SPRTN: variants seen among roughly 807,000 people sequenced by gnomAD.
SPRTN encodes the protein SprT-like N-terminal domain, also known as DNA-dependent metalloprotease SPRTN.
In SPRTN, 11 loss-of-function variants were observed where a neutral mutation model predicts 31.9. The observed-to-expected ratio is 0.34, with a 90% confidence interval of 0.22 to 0.57. The LOEUF (loss-of-function observed/expected upper bound fraction) is 0.57. Among genes scored for constraint, SPRTN ranks in the 20% least tolerant of loss-of-function variants. The pLI, the probability that SPRTN is intolerant of heterozygous loss-of-function variation, is 0.86. For missense variants in SPRTN, 482 were observed against 590.1 expected (o/e 0.82, Z 1.90); for synonymous variants, 185 against 212.1 (o/e 0.87, Z 1.11).
At chr1:231,346,183 CTTTTT>C (rs71583771) in intron 2 of SPRTN, among the ~76,000 whole-genome samples, 66 of 89,052 alleles carry the variant, frequency 7.4e-4, no homozygotes, top group East Asian at 3.1e-3. Flanking sequence ...CTTTTCTTTT[CTTTTT>C]TTTTTTTTTT....
chr1:231,348,613 G>T (rs376985494), intron 3 of SPRTN, among the ~76,000 whole-genome samples: 28 of 152,072 alleles, frequency 1.8e-4, no homozygotes, highest in African/African-American at 6.3e-4. Flanking sequence ...CCTGTGTCCT[G>T]TCTCTTTAAC....
chr1:231,346,036 A>G (rs140189345), intron 2 of SPRTN, among the ~76,000 whole-genome samples: 268 of 151,918 alleles, frequency 1.8e-3, no homozygotes, highest in African/African-American at 6.1e-3. Context: ...GCTGGTTTTG[A>G]ACTCCTGGCC....
chr1:231,339,560 T>C, intron 1 of SPRTN: 2 of 745,190 alleles, frequency 2.7e-6, no homozygotes, highest in Non-Finnish European at 4.7e-6. Context: ...CTTTCCTTCC[T>C]TGCCCGGCGG....
intron 2 of SPRTN, among the ~76,000 whole-genome samples, chr1:231,340,386 A>G (rs1026849648): frequency 1.2e-4 from 19 of 152,088 alleles, no homozygotes; most frequent in Admixed American, 9.8e-4. Flanking sequence ...AAAGCCTTCT[A>G]GGTATATTAT....
Position 231,339,774 on chromosome 1 carries a change from C to T in SPRTN, c.227C>T (p.Ala76Val). Reference sequence around the variant, plus strand: ...TTATGGTGATTGTTTTCTAGGTGTGCTGGGATATGCAGCTATGAAGGGAAG... The same window carrying T: ...TTATGGTGATTGTTTTCTAGGTGTGTTGGGATATGCAGCTATGAAGGGAAG... ...VKWSVRMTLC[A>V]GICSYEGKGG... The change falls in exon 2 of 5, where the codon GCT becomes GTT. Residue 76 changes from alanine (A) to valine (V), a missense_variant. This residue lies in a region of SPRTN where 157 missense variants were observed against 239.9 expected (regional missense o/e 0.65). Coordinates refer to ENST00000295050, the MANE Select transcript of SPRTN (RefSeq NM_032018.7). The T allele has an allele frequency of 6.2e-7, 1 of 1,614,082 alleles. No individual in the cohort carries two copies. The highest frequency in any genetic ancestry group is 8.5e-7 in the Non-Finnish European group (1 of 1,180,000).
intron 2 of SPRTN, among the ~76,000 whole-genome samples, chr1:231,343,286 C>G (rs1045012509): frequency 1.3e-5 from 2 of 151,584 alleles, no homozygotes; most frequent in African/African-American, 2.4e-5. Flanking sequence ...TATATATACT[C>G]TATAGCCTAG....
At chr1:231,338,709 G>A (rs1399951666) in intron 1 of SPRTN, 105 bp downstream of exon 1, 1 of 1,338,520 alleles carries the variant, frequency 7.5e-7, no homozygotes, top group South Asian at 1.3e-5. Context: ...CCCAGGGGGC[G>A]TTAAATGAGG....
Position 231,338,605 on chromosome 1 carries a change from G to A in SPRTN, c.221+1G>A. The A allele has an allele frequency of 6.2e-7, 1 of 1,614,178 alleles. No homozygotes were observed. The highest frequency in any genetic ancestry group is 8.5e-7 in the Non-Finnish European group (1 of 1,179,998). ...TGAAGTGGAGCGTGCGAATGACCCTGTGAGTTCCGAGCCCCGCTGGGGAAA... is the reference window on the plus strand; with the variant it reads ...TGAAGTGGAGCGTGCGAATGACCCTATGAGTTCCGAGCCCCGCTGGGGAAA... On this transcript the variant is annotated splice_donor_variant, in intron 1 of 4. Transcript: ENST00000295050. LOFTEE classifies it high-confidence loss of function.
chr1:231,344,668 C>T (rs1370024410), intron 2 of SPRTN: 6 of 294,056 alleles, frequency 2.0e-5, no homozygotes, highest in South Asian at 1.6e-4. Context: ...TCTAGTTCTT[C>T]TGATGGAAAT....
In SPRTN at chr1:231,348,049, G is replaced by A. The variant is rs1687114972; in HGVS notation, c.450+124G>A. On this transcript the variant is annotated intron_variant, in intron 3 of 4. Transcript: ENST00000295050. ...TTTGAGGATTTTCCACAGCGAACGA[G>A]AGGCCTAGAGAAGCAAATTGGCTTG... The A allele has an allele frequency of 2.9e-6, 4 of 1,359,006 alleles. No homozygotes were observed. The African/African-American group carries it at 4.4e-5, about 15-fold the overall frequency. 84.2% of individuals were successfully genotyped at this position (1,359,006 alleles called of 1,614,324 possible). A position where few individuals can be genotyped will look rare whatever the true frequency, so the allele number is the denominator to read the frequency against.
chr1:231,349,118 G>A (rs1687147360), intron 3 of SPRTN, among the ~76,000 whole-genome samples: 1 of 151,870 alleles, frequency 6.6e-6, no homozygotes, highest in Non-Finnish European at 1.5e-5. Flanking sequence ...CTACAGATGT[G>A]TGCCACCATG....
chr1:231,353,774 T>G lies in SPRTN; in HGVS notation c.*413T>G. 1 of 983,730 alleles carries G rather than the reference T, an allele frequency of 1.0e-6. No homozygotes were observed. Among genetic ancestry groups the G allele is most frequent in the Non-Finnish European group, 1.2e-6 (1 of 827,736 alleles). The allele number at this position is 983,730 out of a possible 1,614,324, so 60.9% of individuals were successfully genotyped here. On this transcript the variant is annotated 3_prime_UTR_variant, in exon 5 of 5. Transcript: ENST00000295050. Reference sequence around the variant, plus strand: ...AACTCATTCCCTGAACTGATGTAAATCTTCATAGTGTCAGACATACTGACC... The same window carrying G: ...AACTCATTCCCTGAACTGATGTAAAGCTTCATAGTGTCAGACATACTGACC...
At chr1:231,350,014 GAACA>G (rs767303648) in intron 3 of SPRTN, among the ~76,000 whole-genome samples, 3 of 152,140 alleles carry the variant, frequency 2.0e-5, no homozygotes, top group Non-Finnish European at 4.4e-5. Context: ...CCATGTCACA[GAACA>G]AACAAACAAA....
chr1:231,339,654 G>T (rs759720578), intron 1 of SPRTN, 115 bp from the exon 2 acceptor site: 1 of 1,036,182 alleles, frequency 9.7e-7, no homozygotes, highest in Admixed American at 1.8e-5. Context: ...ACCAAGGGGG[G>T]TATACTTTCA....
intron 1 of SPRTN, among the ~76,000 whole-genome samples, chr1:231,338,964 T>A (rs1686776907): frequency 6.6e-6 from 1 of 152,202 alleles, no homozygotes; most frequent in South Asian, 2.1e-4. Context: ...CCTAAGAAAG[T>A]GCTGAGGACG....
In SPRTN at chr1:231,351,302, A is replaced by AGGT; in HGVS notation, c.451-1_452dup. The AGGT allele has an allele frequency of 6.3e-7, 1 of 1,576,408 alleles. No homozygotes were observed. Among genetic ancestry groups the AGGT allele is most frequent in the Non-Finnish European group, 8.6e-7 (1 of 1,160,000 alleles). ...AATACTAAAAATTCTGTCTCCACTC[A>AGGT]GGTATACCATACTTTTCACGATGAG... On this transcript the variant is annotated splice_acceptor_variant, in intron 3 of 4. Coordinates refer to ENST00000295050, the MANE Select transcript of SPRTN (RefSeq NM_032018.7). LOFTEE classifies it high-confidence loss of function.
Position 231,354,256 on chromosome 1 carries a change from T to G in SPRTN, c.*895T>G. On this transcript the variant is annotated 3_prime_UTR_variant, in exon 5 of 5. Coordinates refer to ENST00000295050, the MANE Select transcript of SPRTN (RefSeq NM_032018.7). ...TACCATTTGTGCATTTTAAGTAATC[T>G]TTTTTAAAAAAAATATTTTCCATGT... 2 of 977,658 alleles carry G rather than the reference T, an allele frequency of 2.0e-6. No individual in the cohort carries two copies. Among genetic ancestry groups the G allele is most frequent in the Non-Finnish European group, 2.4e-6 (2 of 822,812 alleles). 60.6% of individuals were successfully genotyped at this position (977,658 alleles called of 1,614,324 possible).
intron 2 of SPRTN, among the ~76,000 whole-genome samples, chr1:231,342,761 A>C (rs933499201): frequency 7.3e-6 from 1 of 136,932 alleles, no homozygotes; most frequent in Non-Finnish European, 1.6e-5. Flanking sequence ...TTTGAGATGG[A>C]GTCTCGCTCT....
Position 231,354,145 on chromosome 1 carries a change from T to C in SPRTN, c.*784T>C, listed in dbSNP as rs1217295696. 4.5e-5 allele frequency: 44 copies of C among 985,128 alleles called. No individual in the cohort carries two copies. Among genetic ancestry groups the C allele is most frequent in the Non-Finnish European group, 5.3e-5 (44 of 829,776 alleles). 61.0% of individuals were successfully genotyped at this position (985,128 alleles called of 1,614,324 possible). ...TACATATAACATAAACATAACAAAG[T>C]TGCCTAGTTGATGTAACAGTGGAAA... On this transcript the variant is annotated 3_prime_UTR_variant, in exon 5 of 5. Coordinates refer to ENST00000295050, the MANE Select transcript of SPRTN (RefSeq NM_032018.7).
Sources: allele counts gnomAD v4.1 joint callset (sites outside exome capture counted in the v4.1 genomes callset), GRCh38; gene constraint gnomAD v4.1.1; regional missense constraint gnomAD v4.1.1; transcripts MANE v1.5; gene names NCBI Gene and HGNC (gene_info 2026-07-23, HGNC 2026-07-21).